The following DPP10 variants were observed in gnomAD, a reference collection of about 807,000 sequenced individuals.
DPP10 encodes dipeptidyl peptidase like 10.
In DPP10, 33 loss-of-function variants were observed where a neutral mutation model predicts 120.9. That is an observed-to-expected ratio of 0.27 (90% CI 0.21 to 0.37). The LOEUF (loss-of-function observed/expected upper bound fraction) is 0.37. Ranked by LOEUF, DPP10 falls within the 10% of genes least tolerant of loss-of-function variation. The pLI is 1.00. For synonymous variants in DPP10, 337 were observed against 326.1 expected, an observed-to-expected ratio of 1.03 and a Z score of -0.36; for missense variants, 816 against 942.8, an observed-to-expected ratio of 0.87 and a Z score of 1.76.
intron 5 of DPP10, among the ~76,000 whole-genome samples, chr2:115,570,118 T>G (rs1311456301): frequency 6.6e-6 from 1 of 152,206 alleles, no homozygotes; most frequent in Non-Finnish European, 1.5e-5. Context: ...TGAGGAGTCT[T>G]TATTCCTGCA....
At chr2:115,303,404 G>A (rs1178337010) in intron 1 of DPP10, among the ~76,000 whole-genome samples, 2 of 151,662 alleles carry the variant, frequency 1.3e-5, no homozygotes, top group Non-Finnish European at 2.9e-5. Flanking sequence ...AGAAGGAAAA[G>A]AAATGCACAT....
chr2:115,486,175 C>T (rs2075766260), intron 3 of DPP10, among the ~76,000 whole-genome samples: 1 of 152,076 alleles, frequency 6.6e-6, no homozygotes, highest in Admixed American at 6.6e-5. Context: ...TCTTTTTCTT[C>T]TATCACCTTT....
intron 1 of DPP10, among the ~76,000 whole-genome samples, chr2:114,924,381 G>C (rs1432983191): frequency 1.3e-5 from 2 of 152,104 alleles, no homozygotes; most frequent in Admixed American, 1.3e-4. Flanking sequence ...ACAAAAATTA[G>C]TCAGGCATGG....
chr2:114,566,686 T>G (rs1189749976), intron 1 of DPP10, among the ~76,000 whole-genome samples: 2 of 152,218 alleles, frequency 1.3e-5, no homozygotes, highest in African/African-American at 4.8e-5. Context: ...TGGCAAATAC[T>G]TGTTAGGCCA....
chr2:115,468,015 G>T (rs2074438367), intron 3 of DPP10: 1 of 336,718 alleles, frequency 3.0e-6, no homozygotes, highest in Non-Finnish European at 5.8e-6. Flanking sequence ...GGGCCCAGAT[G>T]GTACTGGATT....
chr2:115,438,474 C>T (rs1010678791), intron 3 of DPP10, among the ~76,000 whole-genome samples: 9 of 151,992 alleles, frequency 5.9e-5, no homozygotes, highest in African/African-American at 1.5e-4. Context: ...CCCCACTCCC[C>T]GAAAAGTAGA....
At chr2:114,887,169 T>A (rs1692143558) in intron 1 of DPP10, among the ~76,000 whole-genome samples, 1 of 152,206 alleles carries the variant, frequency 6.6e-6, no homozygotes, top group Admixed American at 6.5e-5. Context: ...AATTTTTAAA[T>A]CCCAGTAATG....
chr2:115,198,702 C>G (rs1014488711), intron 1 of DPP10, among the ~76,000 whole-genome samples: 1 of 152,064 alleles, frequency 6.6e-6, no homozygotes, highest in Non-Finnish European at 1.5e-5. Context: ...TCTGCTCATC[C>G]CCCCAGCCCC....
intron 21 of DPP10, among the ~76,000 whole-genome samples, chr2:115,835,686 A>C (rs1337486837): frequency 1.3e-5 from 2 of 152,160 alleles, no homozygotes; most frequent in African/African-American, 4.8e-5. Flanking sequence ...AGAAATTAAA[A>C]CAATCTAAAT....
chr2:115,347,728 CTTTG>C (rs2063780258), intron 3 of DPP10, among the ~76,000 whole-genome samples: 1 of 151,950 alleles, frequency 6.6e-6, no homozygotes, highest in Non-Finnish European at 1.5e-5. Context: ...TGAGAACGTG[CTTTG>C]TTTGTTTTTC....
chr2:115,597,092 G>C (rs1250057168), intron 5 of DPP10, among the ~76,000 whole-genome samples: 2 of 152,114 alleles, frequency 1.3e-5, no homozygotes, highest in Non-Finnish European at 2.9e-5. Flanking sequence ...CAGAATCAAG[G>C]ATCCCATTTG....
At chr2:114,587,170 G>T (rs181826615) in intron 1 of DPP10, among the ~76,000 whole-genome samples, 1 of 151,608 alleles carries the variant, frequency 6.6e-6, no homozygotes, top group Non-Finnish European at 1.5e-5. Context: ...GCATGGTGGC[G>T]CGTGCCTGTA....
chr2:114,655,564 G>A (rs1440478786), intron 1 of DPP10, among the ~76,000 whole-genome samples: 1 of 152,126 alleles, frequency 6.6e-6, no homozygotes, highest in Non-Finnish European at 1.5e-5. Context: ...GAGTTATGCT[G>A]GCTGTGGAAG....
chr2:114,829,681 GT>G (rs965274376), intron 1 of DPP10, among the ~76,000 whole-genome samples: 7 of 150,184 alleles, frequency 4.7e-5, no homozygotes, highest in South Asian at 4.2e-4. Context: ...CTGGCCGGAC[GT>G]TTTTTTTTAA....
At chr2:115,451,945 T>C (rs2073144665) in intron 3 of DPP10, among the ~76,000 whole-genome samples, 1 of 151,854 alleles carries the variant, frequency 6.6e-6, no homozygotes, top group African/African-American at 2.4e-5. Flanking sequence ...GAAAATTTAT[T>C]AAATCCCCCC....
At chr2:115,207,850 A>T (rs947044284) in intron 1 of DPP10, among the ~76,000 whole-genome samples, 14 of 152,132 alleles carry the variant, frequency 9.2e-5, no homozygotes, top group African/African-American at 3.4e-4. Context: ...CACACAGTAT[A>T]GTAGAGAGAA....
At chr2:114,783,998 G>T (rs1224796625) in intron 1 of DPP10, among the ~76,000 whole-genome samples, 1 of 152,068 alleles carries the variant, frequency 6.6e-6, no homozygotes, top group Non-Finnish European at 1.5e-5. Context: ...GCTGTGGCAA[G>T]TAATGCCAGA....
rs147014349 is a variant in DPP10, at chr2:115,187,019, CTTTTTTTTTTTTTTT to C, written c.61-122198_61-122184del. ...GAATTCAGAAGGTGGTGCAAAGATT[CTTTTTTTTTTTTTTT>C]TTTTTTTTTTTTTTTTTTTTTGAGA... On this transcript the variant is annotated intron_variant, in intron 1 of 25. Transcript: ENST00000410059. Among the ~76,000 whole-genome samples, 91 of 63,178 alleles carry C rather than the reference CTTTTTTTTTTTTTTT, an allele frequency of 1.4e-3. 1 individual carries two copies. The highest frequency in any genetic ancestry group is 1.7e-3 in the Non-Finnish European group (50 of 29,642). 41.4% of individuals were successfully genotyped at this position (63,178 alleles called of 152,430 possible).
At chr2:114,730,786 GT>G (rs569627556) in intron 1 of DPP10, among the ~76,000 whole-genome samples, 1,549 of 152,062 alleles carry the variant, frequency 0.01, 10 homozygotes, top group Middle Eastern at 0.034. Flanking sequence ...TAGAGACAGG[GT>G]TTCACCCTGT....
Sources: gnomAD v4.1 joint callset for allele counts (sites outside exome capture counted in the v4.1 genomes callset) on GRCh38, gnomAD v4.1.1 for gene constraint, MANE v1.5 for transcripts, NCBI Gene and HGNC (gene_info 2026-07-23, HGNC 2026-07-21) for gene names.